The following HIPK1 variants were observed in gnomAD, a reference collection of about 807,000 sequenced individuals.
HIPK1 encodes homeodomain-interacting protein kinase 1.
A neutral mutation model predicts 117.1 loss-of-function variants in HIPK1; 28 were observed. The ratio of observed to expected loss-of-function variants is 0.24; its 90% CI spans 0.18 to 0.33. The LOEUF (loss-of-function observed/expected upper bound fraction) is 0.33, where lower values mean the gene tolerates loss of function less well. Among genes scored for constraint, HIPK1 ranks in the 10% least tolerant of loss-of-function variants. HIPK1 has a pLI of 1.00. For missense variants in HIPK1, 1,122 were observed against 1,475.1 expected (o/e 0.76, Z 3.92); for synonymous variants, 605 against 562.5 (o/e 1.08, Z -1.07).
rs1227779612 is a variant in HIPK1 at position 113,976,140 on chromosome 1, A to C, written c.*2628A>C. 6.5e-6 allele frequency: 1 copy of C among 152,786 alleles called. No homozygotes were observed. The highest frequency in any genetic ancestry group is 1.9e-4 in the East Asian group (1 of 5,340). The allele number at this position is 152,786 out of a possible 1,614,324, so 9.5% of individuals were successfully genotyped here. ...TTCATTGTAAGGAGTAAGGGCTTCC[A>C]AGATGGGGCAGGTAGTCCGTACAGC... On this transcript the variant is annotated 3_prime_UTR_variant, in exon 16 of 16. Coordinates refer to ENST00000426820, the MANE Select transcript of HIPK1 (RefSeq NM_198268.3).
chr1:113,947,454 A>G (rs1671060051), intron 2 of HIPK1, among the ~76,000 whole-genome samples: 1 of 152,236 alleles, frequency 6.6e-6, no homozygotes, highest in Non-Finnish European at 1.5e-5. Flanking sequence ...TCTGGCAGTC[A>G]AAATATAGTT....
At chr1:113,939,938 T>C (rs1670536484) in intron 1 of HIPK1, among the ~76,000 whole-genome samples, 1 of 151,672 alleles carries the variant, frequency 6.6e-6, no homozygotes, top group Non-Finnish European at 1.5e-5. Context: ...TCTAGCTTTC[T>C]CATCATCCTG....
At chr1:113,962,206 T>G in intron 8 of HIPK1, 111 bp from the exon 9 acceptor site, 1 of 1,132,916 alleles carries the variant, frequency 8.8e-7, no homozygotes, top group Non-Finnish European at 1.2e-6. Context: ...GTGTCTAGGA[T>G]TAAAACCTGA....
rs1671351348 is a variant in HIPK1 at position 113,951,334 on chromosome 1, A to G, written c.1077-1432A>G. ...ATTGAGAAACAGTGTAATATATAATATACTCAATTCTGGAGCCAGATTGCA... is the reference window on the plus strand; with the variant it reads ...ATTGAGAAACAGTGTAATATATAATGTACTCAATTCTGGAGCCAGATTGCA... On this transcript the variant is annotated intron_variant, in intron 2 of 15. Coordinates refer to ENST00000426820, the MANE Select transcript of HIPK1 (RefSeq NM_198268.3). The G allele has an allele frequency of 7.4e-6, 7 of 948,966 alleles. No homozygotes were observed. In the South Asian group the frequency reaches 1.5e-4, roughly 20 times the overall value. The allele number at this position is 948,966 out of a possible 1,614,324, so 58.8% of individuals were successfully genotyped here.
intron 2 of HIPK1, among the ~76,000 whole-genome samples, chr1:113,944,172 T>G (rs1211339664): frequency 7.6e-6 from 1 of 131,486 alleles, no homozygotes; most frequent in Non-Finnish European, 1.6e-5. Flanking sequence ...TTTTTTTTTT[T>G]TTTTTTTTTT....
Position 113,973,382 on chromosome 1 carries a change from C to G in HIPK1, c.3503C>G (p.Ala1168Gly). 1 of 1,614,136 alleles carries G rather than the reference C, an allele frequency of 6.2e-7. No individual in the cohort carries two copies. The highest frequency in any genetic ancestry group is 8.5e-7 in the Non-Finnish European group (1 of 1,180,022). ...GTTGGGCCCAGCCTCCTCACTTCTG[C>G]CAGCGTGGCCCCTGCTCAGTACCAA... ...VSVGPSLLTS[A>G]SVAPAQYQHQ... Residue 1168 changes from alanine to glycine, a missense_variant, in exon 16 of 16, where the codon GCC becomes GGC. By Grantham distance (60) the Ala-to-Gly change is moderately conservative. Transcript: ENST00000426820.
chr1:113,944,823 A>G (rs369207891), intron 2 of HIPK1, among the ~76,000 whole-genome samples: 1 of 151,820 alleles, frequency 6.6e-6, no homozygotes, highest in Non-Finnish European at 1.5e-5. Flanking sequence ...TATTTCCCTA[A>G]TGATTAATGA....
chr1:113,933,497 A>G (rs904717426), intron 1 of HIPK1, among the ~76,000 whole-genome samples: 1 of 152,004 alleles, frequency 6.6e-6, no homozygotes, highest in African/African-American at 2.4e-5. Flanking sequence ...GGGGATAGGT[A>G]CACTTTTTTT....
intron 2 of HIPK1, among the ~76,000 whole-genome samples, chr1:113,949,600 CTTT>C (rs11465018): frequency 2.2e-5 from 3 of 133,344 alleles, no homozygotes; most frequent in African/African-American, 2.8e-5. Flanking sequence ...CTTTTCTTTT[CTTT>C]TTTTTTTTTT....
chr1:113,967,866 G>T lies in HIPK1; in HGVS notation c.2482G>T (p.Gly828Cys). ...TLATAQPLNV[G>C]VAHVVRQQQS... ...GGCCACTGCTCAGCCTCTGAATGTTGGTGTTGCCCATGTTGTCAGACAACA... is the reference window on the plus strand; with the variant it reads ...GGCCACTGCTCAGCCTCTGAATGTTTGTGTTGCCCATGTTGTCAGACAACA... Residue 828 changes from glycine to cysteine, a missense_variant, in exon 12 of 16, where the codon GGT (glycine) becomes TGT (cysteine). By Grantham distance (159) the Gly-to-Cys change is radical. Transcript: ENST00000426820. The T allele has an allele frequency of 1.2e-6, 2 of 1,611,878 alleles. No individual in the cohort carries two copies. The highest frequency in any genetic ancestry group is 1.7e-6 in the Non-Finnish European group (2 of 1,179,560).
chr1:113,952,301 A>T (rs891535922), intron 2 of HIPK1, among the ~76,000 whole-genome samples: 3 of 152,134 alleles, frequency 2.0e-5, no homozygotes, highest in South Asian at 2.1e-4. Flanking sequence ...ATAATAATAA[A>T]AAAAATCTAT....
intron 15 of HIPK1, chr1:113,972,223 G>A (rs956622184): frequency 3.4e-6 from 3 of 874,824 alleles, no homozygotes. Context: ...TTTAGAAAGA[G>A]CCTGGGGTGC....
chr1:113,966,091 A>T, intron 10 of HIPK1, 39 bp from the exon 11 acceptor site: 1 of 1,580,980 alleles, frequency 6.3e-7, no homozygotes, highest in Non-Finnish European at 8.6e-7. Context: ...GCCAAGAATG[A>T]ATCAAGTCTG....
chr1:113,966,836 CTTTTTTT>C (rs78432266), intron 11 of HIPK1, among the ~76,000 whole-genome samples: 2 of 139,270 alleles, frequency 1.4e-5, no homozygotes, highest in African/African-American at 5.2e-5. Context: ...AGTTCTTATT[CTTTTTTT>C]TTTTTTTTTG....
At chr1:113,945,703 TA>T (rs1670944681) in intron 2 of HIPK1, among the ~76,000 whole-genome samples, 1 of 152,218 alleles carries the variant, frequency 6.6e-6, no homozygotes, top group Admixed American at 6.5e-5. Context: ...TCTATTCCAT[TA>T]ATCTATATAT....
intron 8 of HIPK1, among the ~76,000 whole-genome samples, chr1:113,961,624 A>G (rs1672110079): frequency 6.6e-6 from 1 of 152,168 alleles, no homozygotes; most frequent in Non-Finnish European, 1.5e-5. Context: ...AATTTTAAAA[A>G]CAAGTTTTTT....
chr1:113,940,500 C>A lies in HIPK1; in HGVS notation c.117C>A (p.Asn39Lys). The A allele has an allele frequency of 6.2e-7, 1 of 1,614,110 alleles. No individual in the cohort carries two copies. Among genetic ancestry groups the A allele is most frequent in the Non-Finnish European group, 8.5e-7 (1 of 1,180,030 alleles). The change falls in exon 2 of 16, where the codon AAC becomes AAA. Residue 39 changes from asparagine (N) to lysine (K), a missense_variant. By Grantham distance (94) the Asn-to-Lys change is moderately conservative (BLOSUM62 0). Transcript: ENST00000426820. ...GGGATGTTTCAGGACAGAGTAGCAA[C>A]GACAAATATTATACCCACAGCAAAA... ...SGWDVSGQSS[N>K]DKYYTHSKTL...
At chr1:113,931,267 A>G (rs1238965270) in intron 1 of HIPK1, among the ~76,000 whole-genome samples, 1 of 152,086 alleles carries the variant, frequency 6.6e-6, no homozygotes, top group Admixed American at 6.5e-5. Flanking sequence ...TTAAAATCTA[A>G]CAAATCATTT....
In HIPK1 at chr1:113,940,510, T is replaced by C. The variant is rs915005878; in HGVS notation, c.127T>C (p.Tyr43His). 6.2e-7 allele frequency: 1 copy of C among 1,613,948 alleles called. No homozygotes were observed. Among genetic ancestry groups the C allele is most frequent in the Admixed American group, 1.7e-5 (1 of 59,984 alleles). Residue 43 changes from tyrosine (Y) to histidine (H), a missense_variant, in exon 2 of 16, where the codon TAT becomes CAT. Transcript: ENST00000426820. ...AGGACAGAGTAGCAACGACAAATAT[T>C]ATACCCACAGCAAAACCCTCCCAGC... ...VSGQSSNDKY[Y>H]THSKTLPATQ...
Sources: gnomAD v4.1 joint callset for allele counts (sites outside exome capture counted in the v4.1 genomes callset) on GRCh38, gnomAD v4.1.1 for gene constraint, MANE v1.5 for transcripts, NCBI Gene and HGNC (gene_info 2026-07-23, HGNC 2026-07-21) for gene names.